Variants in USP25 observed in about 807,000 individuals in gnomAD.
USP25 encodes ubiquitin carboxyl-terminal hydrolase 25.
Under a neutral mutation model 158.5 loss-of-function variants are expected in USP25, and 85 were observed. That is an observed-to-expected ratio of 0.54 (90% CI 0.45 to 0.64). The LOEUF (loss-of-function observed/expected upper bound fraction) is 0.64. Among genes scored for constraint, USP25 ranks in the 30% least tolerant of loss-of-function variants. The pLI is 0.00. For synonymous variants in USP25, 464 were observed against 460.4 expected, an observed-to-expected ratio of 1.01 and a Z score of -0.10; for missense variants, 1,242 against 1,327.3, an observed-to-expected ratio of 0.94 and a Z score of 1.00.
At chr21:15,785,631 AAC>A (rs2035228460) in intron 4 of USP25, among the ~76,000 whole-genome samples, 1 of 152,208 alleles carries the variant, frequency 6.6e-6, no homozygotes, top group East Asian at 1.9e-4. Flanking sequence ...GGAGCGTGGA[AAC>A]ACATACAAAA....
chr21:15,834,606 T>G (rs928120349), intron 17 of USP25, among the ~76,000 whole-genome samples: 13 of 152,206 alleles, frequency 8.5e-5, no homozygotes, highest in African/African-American at 3.1e-4. Context: ...TAGAAGATTG[T>G]TTTACAGTGC....
intron 20 of USP25, among the ~76,000 whole-genome samples, chr21:15,863,970 G>T (rs2039542619): frequency 6.6e-6 from 1 of 151,590 alleles, no homozygotes; most frequent in Non-Finnish European, 1.5e-5. Context: ...CTGAGAGGTG[G>T]AGGTTGCAGT....
In USP25 at chr21:15,759,079, T is replaced by C. The variant is rs146319420; in HGVS notation, c.46-3812T>C. On this transcript the variant is annotated intron_variant, in intron 1 of 25. Transcript: ENST00000400183. ...TTTTCAGTTGAGGAAAATAATACTT[T>C]ATATATGAAATCAGATTTGGAGTGC... Among the ~76,000 whole-genome samples the C allele has an allele frequency of 2.4e-3, 360 of 152,336 alleles. 5 individuals are homozygous for C. Among genetic ancestry groups the C allele is most frequent in the African/African-American group, 8.4e-3 (348 of 41,562 alleles).
chr21:15,831,905 T>C (rs1024020375), intron 16 of USP25, among the ~76,000 whole-genome samples: 3 of 152,204 alleles, frequency 2.0e-5, no homozygotes. Flanking sequence ...TCACATTTAA[T>C]ATTTAATTCC....
At chr21:15,834,743 A>T (rs1456101568) in intron 17 of USP25, among the ~76,000 whole-genome samples, 2 of 152,178 alleles carry the variant, frequency 1.3e-5, no homozygotes, top group Admixed American at 1.3e-4. Flanking sequence ...GCATTTTTTA[A>T]AAAGATAATG....
intron 1 of USP25, among the ~76,000 whole-genome samples, chr21:15,737,893 A>T (rs2031675352): frequency 6.6e-6 from 1 of 151,864 alleles, no homozygotes. Flanking sequence ...GGTTGGGTAA[A>T]TATCCGAAAT....
intron 17 of USP25, among the ~76,000 whole-genome samples, chr21:15,835,934 T>C (rs1421415743): frequency 6.6e-6 from 1 of 152,226 alleles, no homozygotes; most frequent in East Asian, 1.9e-4. Flanking sequence ...CATATCATAA[T>C]TGAATAAGAC....
intron 4 of USP25, among the ~76,000 whole-genome samples, chr21:15,779,440 A>G (rs2034838350): frequency 6.6e-6 from 1 of 151,954 alleles, no homozygotes; most frequent in Non-Finnish European, 1.5e-5. Flanking sequence ...TATACTTGAT[A>G]CAAATATTAT....
chr21:15,877,991 CG>C lies in USP25; in HGVS notation c.3205+1del. On this transcript the variant is annotated splice_donor_variant, in intron 25 of 25. Transcript: ENST00000400183. LOFTEE classifies it high-confidence loss of function. ...TTCCTACCTTGGTCAAGAAATGGAA[CG>C]TAAGTTTAAACAATGGTAGTAGGCA... 2 of 1,605,986 alleles carry C rather than the reference CG, an allele frequency of 1.2e-6. No individual in the cohort carries two copies. Among genetic ancestry groups the C allele is most frequent in the Non-Finnish European group, 1.7e-6 (2 of 1,176,142 alleles).
rs773720681 is a variant in USP25, at chr21:15,874,473, T to C, written c.2956T>C (p.Tyr986His). The C allele has an allele frequency of 1.2e-6, 2 of 1,611,396 alleles. No individual in the cohort carries two copies. Among genetic ancestry groups the C allele is most frequent in the Admixed American group, 1.7e-5 (1 of 59,532 alleles). ...NNKELLSKGLYRGHDEELISH... is the reference protein window; with the variant it reads ...NNKELLSKGLHRGHDEELISH... The stretch of plus-strand genomic sequence containing the variant: ...CAAAGAACTCTTGTCTAAAGGCTTA[T>C]ACAGAGGACATGATGAAGAATTGAT... Residue 986 changes from tyrosine (Y) to histidine (H), a missense_variant, in exon 24 of 26, where the codon TAC becomes CAC. Physicochemically the swap from Tyr to His is moderately conservative, Grantham distance 83 (BLOSUM62 2). Around this residue, in one of 3 missense-constraint regions of USP25, gnomAD observed 608 missense variants for 605.2 expected, o/e 1.00. Coordinates refer to ENST00000400183, the MANE Select transcript of USP25 (RefSeq NM_001283041.3).
chr21:15,775,785 G>C (rs1225626934), intron 3 of USP25, among the ~76,000 whole-genome samples: 2 of 106,138 alleles, frequency 1.9e-5, no homozygotes, highest in African/African-American at 3.8e-5. Flanking sequence ...TCCATGTCTC[G>C]TGTTAGTGCA....
In USP25 at chr21:15,878,654, C is replaced by T. The variant is rs1412865502; in HGVS notation, c.*179C>T. ...GACTGCAGACAATAAAGCTGAAAAT[C>T]GCATGGCGCTCAGACATTTTAACCG... On this transcript the variant is annotated 3_prime_UTR_variant, in exon 26 of 26. Coordinates refer to ENST00000400183, the MANE Select transcript of USP25 (RefSeq NM_001283041.3). 1.9e-5 allele frequency: 10 copies of T among 513,048 alleles called. No individual in the cohort carries two copies. The highest frequency in any genetic ancestry group is 8.3e-5 in the Admixed American group (2 of 24,058). The allele number at this position is 513,048 out of a possible 1,614,324, so 31.8% of individuals were successfully genotyped here. A position where few individuals can be genotyped will look rare whatever the true frequency, so the allele number is the denominator to read the frequency against.
At chr21:15,737,907 AAAATCTG>A (rs910995953) in intron 1 of USP25, among the ~76,000 whole-genome samples, 1 of 152,044 alleles carries the variant, frequency 6.6e-6, no homozygotes, top group East Asian at 1.9e-4. Context: ...CCGAAATTTG[AAAATCTG>A]AAATCTGAAA....
intron 20 of USP25, among the ~76,000 whole-genome samples, chr21:15,858,850 T>C (rs1489903272): frequency 6.6e-6 from 1 of 151,960 alleles, no homozygotes; most frequent in Admixed American, 6.6e-5. Flanking sequence ...TGATTGGTAT[T>C]GAAATTTAGA....
chr21:15,840,543 C>T (rs1260011985), intron 17 of USP25, among the ~76,000 whole-genome samples: 1 of 152,110 alleles, frequency 6.6e-6, no homozygotes, highest in East Asian at 1.9e-4. Flanking sequence ...AAACCACTCA[C>T]TTAAGTTCCC....
chr21:15,872,631 TATC>T (rs2039942745), intron 23 of USP25, among the ~76,000 whole-genome samples: 1 of 152,222 alleles, frequency 6.6e-6, no homozygotes, highest in Admixed American at 6.5e-5. Context: ...ATTAACCTAA[TATC>T]ATTTCAAAAT....
intron 1 of USP25, chr21:15,744,942 G>A (rs2032405508): frequency 6.6e-6 from 1 of 152,224 alleles, no homozygotes; most frequent in Non-Finnish European, 1.5e-5. Flanking sequence ...TCTTGCATGA[G>A]CAGAAGAGTG....
chr21:15,863,783 T>A (rs1399114365), intron 20 of USP25, among the ~76,000 whole-genome samples: 1 of 152,168 alleles, frequency 6.6e-6, no homozygotes, highest in Non-Finnish European at 1.5e-5. Flanking sequence ...ACGCCTGTAA[T>A]CCCAGCACTT....
chr21:15,748,454 G>GTTTTTT lies in USP25; in HGVS notation c.46-14416_46-14411dup, dbSNP rs71331787. ...GTACCATCCACCCAGCTACTTTTTA[G>GTTTTTT]TTTTTTTTTTTTTTTTTTTTTTTTT... On this transcript the variant is annotated intron_variant, in intron 1 of 25. Transcript: ENST00000400183. Among the ~76,000 whole-genome samples the GTTTTTT allele has an allele frequency of 2.4e-4, 19 of 79,004 alleles. 1 individual carries two copies. The highest frequency in any genetic ancestry group is 2.9e-4 in the Admixed American group (2 of 7,008). The allele number at this position is 79,004 out of a possible 152,430, so 51.8% of individuals were successfully genotyped here.
Sources: allele counts gnomAD v4.1 joint callset (sites outside exome capture counted in the v4.1 genomes callset), GRCh38; gene constraint gnomAD v4.1.1; regional missense constraint gnomAD v4.1.1; transcripts MANE v1.5; gene names NCBI Gene and HGNC (gene_info 2026-07-23, HGNC 2026-07-21).